The following NECAB2 variants were observed in gnomAD, a reference collection of about 807,000 sequenced individuals.
The protein encoded by NECAB2 is N-terminal EF-hand calcium-binding protein 2.
NECAB2 carries 68 observed loss-of-function variants against 51.9 expected under a neutral mutation model. The observed-to-expected ratio is 1.31, with a 90% CI of 1.08 to 1.60. NECAB2 has a LOEUF of 1.60. Among genes scored for constraint, NECAB2 ranks in the 40% most tolerant of loss-of-function variants. The pLI is 0.00. For synonymous variants in NECAB2, 329 were observed against 203.5 expected (o/e 1.62, Z -5.25); for missense variants, 854 against 490.3 (o/e 1.74, Z -7.00).
chr16:83,981,067 C>G lies in NECAB2; in HGVS notation c.399C>G (p.Val133=), dbSNP rs376583345. The G allele has an allele frequency of 1.2e-6, 2 of 1,614,030 alleles. No homozygotes were observed. Among genetic ancestry groups the G allele is most frequent in the Non-Finnish European group, 1.7e-6 (2 of 1,180,038 alleles). The change falls in exon 5 of 13, where the codon GTC becomes GTG. Residue 133 remains valine (V), a synonymous_variant. Transcript: ENST00000305202. ...ACCACATGGGTGACTATGAGGATGTCCTGGCCTCCCTGGAGACCTTGAATC... is the reference window on the plus strand; with the variant it reads ...ACCACATGGGTGACTATGAGGATGTGCTGGCCTCCCTGGAGACCTTGAATC... ...FVDHMGDYED[V]LASLETLNHS...
rs201060142 is a variant in NECAB2 at position 83,997,319 on chromosome 16, A to T, written c.849+50A>T. 13 of 1,610,746 alleles carry T rather than the reference A, an allele frequency of 8.1e-6. No homozygotes were observed. The East Asian group carries it at 2.9e-4, about 36-fold the overall frequency. On this transcript the variant is annotated intron_variant, in intron 9 of 12. Transcript: ENST00000305202. ...CTGGGACCACATCCCTACCCATGCC[A>T]GGACTGCCAAGATCCAAGTGGCTCA...
In NECAB2 at chr16:83,991,218, C is replaced by T. The variant is rs181595531; in HGVS notation, c.596+588C>T. On this transcript the variant is annotated intron_variant, in intron 6 of 12. Transcript: ENST00000305202. ...GGCTGGTCTTGAACTCCTGGCCTCA[C>T]GTGATCCACCTGCCTTAGCCTCCCA... 1.8e-3 allele frequency among the ~76,000 whole-genome samples: 278 copies of T among 151,722 alleles called. 2 individuals carry two copies. Among genetic ancestry groups the T allele is most frequent in the African/African-American group, 6.1e-3 (253 of 41,386 alleles).
chr16:83,991,796 A>G (rs1242922589), intron 6 of NECAB2, among the ~76,000 whole-genome samples: 1 of 148,294 alleles, frequency 6.7e-6, no homozygotes, highest in Non-Finnish European at 1.5e-5. Flanking sequence ...ACAGGCATGT[A>G]GTCCCACCCA....
In NECAB2 at chr16:84,000,312, C is replaced by G. The variant is rs1461392794; in HGVS notation, c.963-412C>G. On this transcript the variant is annotated intron_variant, in intron 10 of 12. Transcript: ENST00000305202. ...TGGGAAGCCAAGGTGAGAAGACAGC[C>G]TGAGCCCAGGAGTTAAAGACCAGCA... Among the ~76,000 whole-genome samples, 4 of 152,164 alleles carry G rather than the reference C, an allele frequency of 2.6e-5. No homozygotes were observed. The East Asian group carries it at 5.8e-4, about 22-fold the overall frequency.
chr16:83,994,044 GA>G (rs1282680940), intron 6 of NECAB2, among the ~76,000 whole-genome samples: 1 of 152,304 alleles, frequency 6.6e-6, no homozygotes, highest in East Asian at 1.9e-4. Context: ...ATCTCTTGGG[GA>G]AAAGGCCTAG....
rs780108957 is a variant in NECAB2 at position 84,002,318 on chromosome 16, C to G, written c.1133C>G (p.Ala378Gly). The G allele has an allele frequency of 2.5e-6, 4 of 1,613,948 alleles. No homozygotes were observed. The highest frequency in any genetic ancestry group is 2.5e-6 in the Non-Finnish European group (3 of 1,179,890). ...PEALSRILVP[A>G]AWCTVGRD is the part of the protein sequence containing the mutation. Reference sequence around the variant, plus strand: ...CTCTAACGTGTCTCTCTCCTTTTAGCTGCTTGGTGCACGGTGGGACGGGAC... The same window carrying G: ...CTCTAACGTGTCTCTCTCCTTTTAGGTGCTTGGTGCACGGTGGGACGGGAC... Residue 378 changes from alanine to glycine, a missense_variant and splice_region_variant, in exon 13 of 13, where the codon GCT becomes GGT. By Grantham distance (60) the Ala-to-Gly change is moderately conservative. Coordinates refer to ENST00000305202, the MANE Select transcript of NECAB2 (RefSeq NM_019065.3).
At chr16:83,986,979 C>T (rs2084564913) in intron 5 of NECAB2, among the ~76,000 whole-genome samples, 1 of 152,132 alleles carries the variant, frequency 6.6e-6, no homozygotes, top group African/African-American at 2.4e-5. Context: ...GCAACCCCCA[C>T]CATGACATAC....
At chr16:83,997,645 G>T (rs1413904509) in intron 9 of NECAB2, among the ~76,000 whole-genome samples, 2 of 151,804 alleles carry the variant, frequency 1.3e-5, no homozygotes, top group East Asian at 1.9e-4. Context: ...GTGCCACCAC[G>T]CCTGGCTAAT....
intron 2 of NECAB2, among the ~76,000 whole-genome samples, chr16:83,977,175 C>T (rs187939019): frequency 2.5e-4 from 38 of 152,352 alleles, no homozygotes; most frequent in Admixed American, 2.5e-3. Context: ...GAATGCAGAT[C>T]CTCTGGAAGT....
At chr16:83,978,389 C>G in intron 2 of NECAB2, 55 bp from the exon 3 acceptor site, 2 of 1,485,196 alleles carry the variant, frequency 1.3e-6, no homozygotes, top group South Asian at 2.3e-5. Context: ...TGCACTAGCC[C>G]CACCAGCCTT....
chr16:83,983,050 GTAGAGA>G (rs748302532), intron 5 of NECAB2, among the ~76,000 whole-genome samples: 116 of 152,022 alleles, frequency 7.6e-4, no homozygotes, highest in South Asian at 2.1e-3. Context: ...TGTAGTTTTA[GTAGAGA>G]CGGGGTTTCA....
upstream of NECAB2, among the ~76,000 whole-genome samples, chr16:83,968,121 ACGCCCGCGGGAGTTAAGGATGGG>A (rs2084308314): frequency 6.6e-6 from 1 of 151,302 alleles, no homozygotes; most frequent in South Asian, 2.1e-4. Flanking sequence ...GGGGGCGTGC[ACGCCCGCGGGAGTTAAGGATGGG>A]CGCCCGCGGG....
intron 9 of NECAB2, among the ~76,000 whole-genome samples, chr16:83,997,473 C>T (rs1043817668): frequency 7.1e-6 from 1 of 141,666 alleles, no homozygotes; most frequent in African/African-American, 2.6e-5. Flanking sequence ...TTGAGGCTCC[C>T]TGGACCTTTT....
At chr16:83,985,744 C>G (rs1440841212) in intron 5 of NECAB2, among the ~76,000 whole-genome samples, 6 of 152,026 alleles carry the variant, frequency 3.9e-5, no homozygotes, top group African/African-American at 1.4e-4. Flanking sequence ...ATTTATTTTT[C>G]AGTTCATTGT....
intron 5 of NECAB2, among the ~76,000 whole-genome samples, chr16:83,986,064 C>T (rs1352325108): frequency 2.0e-5 from 3 of 151,818 alleles, no homozygotes; most frequent in Non-Finnish European, 4.4e-5. Context: ...TTGCCCAGGC[C>T]AGAGTACAAT....
At chr16:83,988,515 C>T (rs1267689642) in intron 5 of NECAB2, among the ~76,000 whole-genome samples, 1 of 151,986 alleles carries the variant, frequency 6.6e-6, no homozygotes, top group African/African-American at 2.4e-5. Context: ...GAAATTAAAC[C>T]ATTAGTGGTT....
chr16:83,966,131 G>A (rs2084277723), upstream of NECAB2: 1 of 775,154 alleles, frequency 1.3e-6, no homozygotes, highest in South Asian at 1.9e-5. Flanking sequence ...CTGGCCTTTG[G>A]GGTCAAGAGG....
chr16:83,979,627 C>A (rs1188941448), intron 3 of NECAB2, among the ~76,000 whole-genome samples: 1 of 152,038 alleles, frequency 6.6e-6, no homozygotes, highest in East Asian at 1.9e-4. Context: ...AGGCAGGTGC[C>A]CATTGATTTA....
rs759826100 is a variant in NECAB2, at chr16:83,980,804, TCTCTGTCTGTCTCTGC to T, written c.336-18_336-3del. 1.4e-5 allele frequency: 22 copies of T among 1,558,774 alleles called. No individual in the cohort carries two copies. The African/African-American group carries it at 2.5e-4, about 17-fold the overall frequency. Reference sequence around the variant, plus strand: ...GTCAGGCCTGCTAACCCCCTCTCTGTCTCTGTCTGTCTCTGCCTCTGTCTGTCTCTGCAGCCATGTG... The same window carrying T: ...GTCAGGCCTGCTAACCCCCTCTCTGTCTCTGTCTGTCTCTGCAGCCATGTG... On this transcript the variant is annotated intron_variant, in intron 3 of 12. Coordinates refer to ENST00000305202, the MANE Select transcript of NECAB2 (RefSeq NM_019065.3).
Sources: allele counts gnomAD v4.1 joint callset (sites outside exome capture counted in the v4.1 genomes callset), GRCh38; gene constraint gnomAD v4.1.1; transcripts MANE v1.5; gene names NCBI Gene and HGNC (gene_info 2026-07-23, HGNC 2026-07-21).